The following FAM78B variants were observed in gnomAD, a reference collection of about 807,000 sequenced individuals.
The protein encoded by FAM78B is protein FAM78B.
In FAM78B, 10 loss-of-function variants were observed where a neutral mutation model predicts 20.0. The observed-to-expected ratio is 0.50, with a 90% CI of 0.31 to 0.85. The LOEUF is 0.85. Ranked by LOEUF, FAM78B falls within the 40% of genes least tolerant of loss-of-function variation. The pLI is 0.05. For synonymous variants in FAM78B, 135 were observed against 132.8 expected, an observed-to-expected ratio of 1.02 and a Z score of -0.12; for missense variants, 283 against 345.0, an observed-to-expected ratio of 0.82 and a Z score of 1.42.
intron 1 of FAM78B, among the ~76,000 whole-genome samples, chr1:166,153,357 C>T (rs534968611): frequency 3.9e-4 from 60 of 152,246 alleles, no homozygotes; most frequent in African/African-American, 1.4e-3. Flanking sequence ...GTGACTATCC[C>T]AAGACAAGCA....
At chr1:166,150,469 C>T (rs1408693943) in intron 1 of FAM78B, among the ~76,000 whole-genome samples, 1 of 152,124 alleles carries the variant, frequency 6.6e-6, no homozygotes. Flanking sequence ...TGAAAAACTC[C>T]TACATTGCAA....
At chr1:166,085,478 A>C (rs190455137) in intron 1 of FAM78B, among the ~76,000 whole-genome samples, 29 of 152,334 alleles carry the variant, frequency 1.9e-4, no homozygotes, top group African/African-American at 6.7e-4. Flanking sequence ...GGAATCATTA[A>C]GGAGAACAAA....
chr1:166,161,649 TAC>T (rs1374767628), intron 1 of FAM78B, among the ~76,000 whole-genome samples: 3 of 152,092 alleles, frequency 2.0e-5, no homozygotes, highest in African/African-American at 2.4e-5. Flanking sequence ...GTGGCTGGAT[TAC>T]ACACATATTC....
chr1:166,152,695 T>TATTGATTGATTG (rs894823423), intron 1 of FAM78B, among the ~76,000 whole-genome samples: 5 of 149,148 alleles, frequency 3.4e-5, no homozygotes, highest in African/African-American at 1.3e-4. Flanking sequence ...TTTATTTATT[T>TATTGATTGATTG]ATTGATGGAA....
downstream of FAM78B, among the ~76,000 whole-genome samples, chr1:166,064,529 G>A (rs1651728024): frequency 1.3e-5 from 2 of 152,092 alleles, no homozygotes; most frequent in African/African-American, 4.8e-5. Flanking sequence ...TCTTTCTAGA[G>A]CTGCTTCCTG....
At chr1:166,096,653 G>C (rs1025131579) in intron 1 of FAM78B, among the ~76,000 whole-genome samples, 2 of 152,192 alleles carry the variant, frequency 1.3e-5, no homozygotes, top group Admixed American at 1.3e-4. Context: ...CTGTCCTGAT[G>C]TAGTGAGAGA....
intron 1 of FAM78B, among the ~76,000 whole-genome samples, chr1:166,146,068 G>C (rs986987725): frequency 2.0e-5 from 3 of 152,172 alleles, no homozygotes; most frequent in African/African-American, 7.2e-5. Context: ...ATGTGAATGA[G>C]AGCACTTTGT....
At chr1:166,141,739 T>A (rs559715325) in intron 1 of FAM78B, among the ~76,000 whole-genome samples, 1 of 152,244 alleles carries the variant, frequency 6.6e-6, no homozygotes, top group Non-Finnish European at 1.5e-5. Flanking sequence ...CTCTGGTGGC[T>A]ACCCAATGCA....
chr1:166,145,207 GCA>G (rs1316638549), intron 1 of FAM78B, among the ~76,000 whole-genome samples: 2 of 152,202 alleles, frequency 1.3e-5, no homozygotes, highest in Non-Finnish European at 2.9e-5. Flanking sequence ...AGGAGGCCAA[GCA>G]CTGCAGGAAT....
chr1:166,164,080 C>T (rs1656262553), intron 1 of FAM78B, among the ~76,000 whole-genome samples: 1 of 152,192 alleles, frequency 6.6e-6, no homozygotes, highest in South Asian at 2.1e-4. Context: ...CTTGACTTCT[C>T]CTAAGGTAAA....
intron 1 of FAM78B, among the ~76,000 whole-genome samples, chr1:166,134,539 A>AATAAGT (rs1044884955): frequency 6.6e-6 from 1 of 151,862 alleles, no homozygotes; most frequent in East Asian, 1.9e-4. Context: ...TAATAATAAT[A>AATAAGT]ATAAGTATAA....
At chr1:166,137,670 A>G (rs1278807778) in intron 1 of FAM78B, among the ~76,000 whole-genome samples, 1 of 152,252 alleles carries the variant, frequency 6.6e-6, no homozygotes, top group African/African-American at 2.4e-5. Context: ...CAAATAAAAT[A>G]TTAGAATTCC....
chr1:166,158,217 C>T (rs534891930), intron 1 of FAM78B, among the ~76,000 whole-genome samples: 2 of 152,256 alleles, frequency 1.3e-5, no homozygotes, highest in African/African-American at 2.4e-5. Context: ...CCCAACTACT[C>T]GGGAGGCTGA....
chr1:166,137,500 CTT>C (rs35647634), intron 1 of FAM78B, among the ~76,000 whole-genome samples: 191 of 149,486 alleles, frequency 1.3e-3, no homozygotes, highest in Middle Eastern at 3.5e-3. Flanking sequence ...AAGTCCAGTA[CTT>C]TTTTTTTTTT....
intron 1 of FAM78B, among the ~76,000 whole-genome samples, chr1:166,104,155 C>A (rs866634065): frequency 1.3e-5 from 2 of 152,264 alleles, no homozygotes; most frequent in South Asian, 2.1e-4. Flanking sequence ...ATTCAACAGC[C>A]CTTCATGCTA....
At chr1:166,059,893 A>C (rs1651510512) in exon 3 of FAM78B, 1 of 152,272 alleles carries the variant, frequency 6.6e-6, no homozygotes, top group African/African-American at 2.4e-5. Flanking sequence ...TCTGGGGCTG[A>C]TGCTTAAAAA....
chr1:166,152,545 T>C (rs1655717215), intron 1 of FAM78B, among the ~76,000 whole-genome samples: 1 of 152,246 alleles, frequency 6.6e-6, no homozygotes, highest in South Asian at 2.1e-4. Flanking sequence ...GCTGCAGACT[T>C]GCTGTGGATG....
chr1:166,135,201 G>A (rs911729376), intron 1 of FAM78B, among the ~76,000 whole-genome samples: 4 of 152,094 alleles, frequency 2.6e-5, no homozygotes, highest in East Asian at 1.9e-4. Flanking sequence ...GTATCAACAC[G>A]GCTTATAACT....
chr1:166,114,080 A>T (rs1299496948), intron 1 of FAM78B, among the ~76,000 whole-genome samples: 1 of 152,200 alleles, frequency 6.6e-6, no homozygotes, highest in African/African-American at 2.4e-5. Flanking sequence ...CATAGACACC[A>T]ATTATCCTTC....
Sources: gnomAD v4.1 joint callset for allele counts (sites outside exome capture counted in the v4.1 genomes callset) on GRCh38, gnomAD v4.1.1 for gene constraint, MANE v1.5 for transcripts, NCBI Gene and HGNC (gene_info 2026-07-23, HGNC 2026-07-21) for gene names.